The following AATK variants were observed in gnomAD, a reference collection of about 807,000 sequenced individuals.
The protein encoded by AATK is lemur tail kinase 1, also known as serine/threonine-protein kinase LMTK1.
A neutral mutation model predicts 114.3 loss-of-function variants in AATK; 91 were observed. The observed-to-expected ratio is 0.80, with a 90% CI of 0.67 to 0.95. AATK has a LOEUF of 0.95. Among genes scored for constraint, AATK ranks in the 40% least tolerant of loss-of-function variants. AATK has a pLI of 0.00. For missense variants in AATK, 2,176 were observed against 1,965.2 expected, an observed-to-expected ratio of 1.11 and a Z score of -2.03; for synonymous variants, 1,075 against 916.5, an observed-to-expected ratio of 1.17 and a Z score of -3.12.
At position 81,117,301 on chromosome 17, in the gene AATK, TTG is replaced by T. The variant is rs1379987921; in HGVS notation, c.*1099_*1100del. 1 of 152,214 alleles carries T rather than the reference TTG, an allele frequency of 6.6e-6. No individual in the cohort carries two copies. Among genetic ancestry groups the T allele is most frequent in the East Asian group, 1.9e-4 (1 of 5,190 alleles). 9.4% of individuals were successfully genotyped at this position (152,214 alleles called of 1,614,324 possible). ...AGAAGACAACACACAAAGGTTTCTT[TTG>T]TCTTAGCTTCATTTCTCTTAAAAAA... On this transcript the variant is annotated 3_prime_UTR_variant, in exon 14 of 14. Coordinates refer to ENST00000326724, the MANE Select transcript of AATK (RefSeq NM_001080395.3).
chr17:81,144,512 T>C (rs2061187906), intron 1 of AATK, among the ~76,000 whole-genome samples: 1 of 152,078 alleles, frequency 6.6e-6, no homozygotes, highest in Admixed American at 6.5e-5. Flanking sequence ...GCTGGGACAA[T>C]GGAGGGGCAA....
At chr17:81,138,174 TACCC>T (rs2061049106) in intron 1 of AATK, among the ~76,000 whole-genome samples, 1 of 111,546 alleles carries the variant, frequency 9.0e-6, no homozygotes, top group African/African-American at 4.0e-5. Context: ...CACACACACT[TACCC>T]ACACATGCGT....
At chr17:81,165,858 C>CGG in intron 1 of AATK, 80 bp downstream of exon 1, 1 of 1,532,152 alleles carries the variant, frequency 6.5e-7, no homozygotes, top group South Asian at 1.2e-5. Context: ...CCATGCAAAC[C>CGG]GGGAGCCGTG....
intron 4 of AATK, 75 bp downstream of exon 4, chr17:81,128,395 G>A (rs2060880060): frequency 2.8e-6 from 1 of 357,020 alleles, no homozygotes; most frequent in African/African-American, 3.0e-5. Flanking sequence ...GTGGCTCCTA[G>A]GAGGAGCAGG....
intron 1 of AATK, among the ~76,000 whole-genome samples, chr17:81,143,999 CA>C (rs1275848792): frequency 6.6e-6 from 1 of 152,208 alleles, no homozygotes; most frequent in African/African-American, 2.4e-5. Context: ...TTCCTCCACC[CA>C]AGCTGCCTTC....
chr17:81,127,562 TC>T lies in AATK; in HGVS notation c.621+20del, dbSNP rs765301658. 1.8e-3 allele frequency: 2,803 copies of T among 1,578,186 alleles called. 5 individuals carry two copies. Among genetic ancestry groups the T allele is most frequent in the Non-Finnish European group, 2.3e-3 (2,651 of 1,162,838 alleles). On this transcript the variant is annotated intron_variant, in intron 6 of 13. Transcript: ENST00000326724. ...CCCCGGCTCAGCAAAGACCCCAGCA[TC>T]CCCCCGGGCAGCAGCTCACCAGTGG...
chr17:81,158,677 C>G (rs946732896), intron 1 of AATK, among the ~76,000 whole-genome samples: 1 of 152,222 alleles, frequency 6.6e-6, no homozygotes, highest in Admixed American at 6.5e-5. Flanking sequence ...AATGGGCACT[C>G]GCTTGAGGGG....
intron 1 of AATK, among the ~76,000 whole-genome samples, chr17:81,143,470 T>C (rs114936556): frequency 7.1e-6 from 1 of 140,164 alleles, no homozygotes; most frequent in Admixed American, 6.8e-5. Flanking sequence ...CCCCACCCCT[T>C]GTGTCCACGC....
Position 81,151,954 on chromosome 17 carries a change from C to T in AATK, c.55+13984G>A, listed in dbSNP as rs532484915. ...ATCACGTGAGACTTCCAACCCCTCA[C>T]AGGCAGTGCCACGCTTGCCTTCAAA... On this transcript the variant is annotated intron_variant, in intron 1 of 13. Coordinates refer to ENST00000326724, the MANE Select transcript of AATK (RefSeq NM_001080395.3). Among the ~76,000 whole-genome samples, 3 of 152,330 alleles carry T rather than the reference C, an allele frequency of 2.0e-5. No individual in the cohort carries two copies. In the East Asian group the frequency reaches 5.8e-4, roughly 29 times the overall value.
chr17:81,143,470 T>TGTGTCCACGCAGCCCCCACCCCCC (rs2061168005), intron 1 of AATK, among the ~76,000 whole-genome samples: 4 of 140,164 alleles, frequency 2.9e-5, no homozygotes, highest in Non-Finnish European at 6.0e-5. Context: ...CCCCACCCCT[T>TGTGTCCACGCAGCCCCCACCCCCC]GTGTCCACGC....
Position 81,163,792 on chromosome 17 carries a change from G to A in AATK, c.55+2146C>T, listed in dbSNP as rs182140259. Among the ~76,000 whole-genome samples, 440 of 152,354 alleles carry A rather than the reference G, an allele frequency of 2.9e-3. 4 individuals carry two copies. Among genetic ancestry groups the A allele is most frequent in the African/African-American group, 0.01 (418 of 41,592 alleles). ...TGCCCCCTGTACCACCACAACTGCC[G>A]TCACCTCTATGGAGACTGGCACCAG... On this transcript the variant is annotated intron_variant, in intron 1 of 13. Transcript: ENST00000326724.
chr17:81,140,458 G>A (rs572206856), intron 1 of AATK, among the ~76,000 whole-genome samples: 8 of 152,342 alleles, frequency 5.3e-5, no homozygotes, highest in African/African-American at 1.7e-4. Context: ...TCCACCTCCC[G>A]ATCCTCGAAA....
At chr17:81,145,232 A>G (rs1304966139) in intron 1 of AATK, among the ~76,000 whole-genome samples, 3 of 127,556 alleles carry the variant, frequency 2.4e-5, no homozygotes, top group Non-Finnish European at 4.8e-5. Context: ...GTGAGACTCC[A>G]TCAAAAAAAA....
intron 1 of AATK, among the ~76,000 whole-genome samples, chr17:81,154,964 T>C (rs2061343521): frequency 6.6e-6 from 1 of 152,216 alleles, no homozygotes; most frequent in African/African-American, 2.4e-5. Context: ...GCATTACTTC[T>C]TACAGCTCGC....
At chr17:81,127,729 C>G in intron 5 of AATK, 59 bp from the exon 6 acceptor site, 1 of 1,523,100 alleles carries the variant, frequency 6.6e-7, no homozygotes, top group East Asian at 2.4e-5. Context: ...GGAGTCGGGC[C>G]GAGCAGGGGA....
At chr17:81,164,228 C>G (rs893311850) in intron 1 of AATK, among the ~76,000 whole-genome samples, 2 of 152,242 alleles carry the variant, frequency 1.3e-5, no homozygotes, top group Non-Finnish European at 2.9e-5. Context: ...CAGCACAGGA[C>G]AGCCAGGCTT....
intron 1 of AATK, among the ~76,000 whole-genome samples, chr17:81,155,109 C>T (rs1255585341): frequency 1.3e-5 from 2 of 152,194 alleles, no homozygotes; most frequent in African/African-American, 2.4e-5. Flanking sequence ...CACGGCGCTG[C>T]GCTCTGCACG....
chr17:81,144,069 CCT>C (rs1320272610), intron 1 of AATK, among the ~76,000 whole-genome samples: 6 of 152,244 alleles, frequency 3.9e-5, no homozygotes, highest in Non-Finnish European at 7.3e-5. Flanking sequence ...TGCCCCCACC[CCT>C]GTCCCCGCTC....
At chr17:81,119,883 G>A (rs1020406762) in intron 12 of AATK, 53 bp downstream of exon 12, 6 of 1,403,344 alleles carry the variant, frequency 4.3e-6, no homozygotes, top group Admixed American at 3.4e-5. Flanking sequence ...CACACAGCAC[G>A]GACCAGGCCC....
Sources: gnomAD v4.1 joint callset for allele counts (sites outside exome capture counted in the v4.1 genomes callset) on GRCh38, gnomAD v4.1.1 for gene constraint, MANE v1.5 for transcripts, NCBI Gene and HGNC (gene_info 2026-07-23, HGNC 2026-07-21) for gene names.